Variants in PLCL2 observed in about 807,000 individuals in gnomAD.
The protein encoded by PLCL2 is inactive phospholipase C-like protein 2.
In PLCL2, 4 loss-of-function variants were observed where a neutral mutation model predicts 79.6. The observed-to-expected ratio is 0.05, with a 90% confidence interval of 0.02 to 0.11. The LOEUF (loss-of-function observed/expected upper bound fraction) is 0.11. PLCL2 is among the 10% of genes least tolerant of loss of function. The probability of loss-of-function intolerance (pLI) is 1.00; values close to 1 mark genes in which losing one functional copy is unlikely to be tolerated. For synonymous variants in PLCL2, 484 were observed against 457.7 expected, an observed-to-expected ratio of 1.06 and a Z score of -0.73; for missense variants, 895 against 1,291.0, an observed-to-expected ratio of 0.69 and a Z score of 4.70.
intron 1 of PLCL2, among the ~76,000 whole-genome samples, chr3:16,924,966 C>G (rs1697211485): frequency 2.6e-5 from 4 of 151,912 alleles, no homozygotes; most frequent in Admixed American, 2.6e-4. Flanking sequence ...CTCTGTCACC[C>G]AGGCTGGAGT....
chr3:17,020,296 TGTTAATTTTGCTGCAGTTTTTC>T (rs2124898824), intron 3 of PLCL2, among the ~76,000 whole-genome samples: 1 of 152,334 alleles, frequency 6.6e-6, no homozygotes, highest in South Asian at 2.1e-4. Context: ...TAAAGTTTTT[TGTTAATTTTGCTGCAGTTTTTC>T]TGTCATGGAC....
chr3:17,015,575 A>G, intron 3 of PLCL2, among the ~76,000 whole-genome samples: 1 of 152,198 alleles, frequency 6.6e-6, no homozygotes, highest in African/African-American at 2.4e-5. Context: ...TTTCAAGTGT[A>G]TGATGTAGTT....
In PLCL2 at chr3:16,886,306, T is replaced by C. The variant is rs754953169; in HGVS notation, c.327+940T>C. ...GTTTGGAGCAAATGAAAACATTGCT[T>C]TCTGAAAATCAAGGAGTTATCAGGA... is the stretch of plus-strand genomic sequence containing the variant. On this transcript the variant is annotated intron_variant, in intron 1 of 5. Coordinates refer to ENST00000615277, the MANE Select transcript of PLCL2 (RefSeq NM_001144382.2). This position sits in a 1 kb window ranked among gnomAD's most constrained non-coding sequence, Gnocchi z 4.2. Among the ~76,000 whole-genome samples, 10 of 152,330 alleles carry C rather than the reference T, an allele frequency of 6.6e-5. No homozygotes were observed. The highest frequency in any genetic ancestry group is 1.3e-4 in the Non-Finnish European group (9 of 68,024).
At chr3:17,015,001 T>C (rs1299178439) in intron 3 of PLCL2, 90 bp downstream of exon 3, 2 of 986,256 alleles carry the variant, frequency 2.0e-6, no homozygotes, top group East Asian at 4.8e-5. Flanking sequence ...TTTGCTGAAG[T>C]GCACTTTCCT....
chr3:16,936,766 C>T (rs1454095441), intron 1 of PLCL2, among the ~76,000 whole-genome samples: 7 of 151,356 alleles, frequency 4.6e-5, no homozygotes, highest in East Asian at 1.9e-4. Context: ...TTCAAAAAAA[C>T]GAGGCTGGAA....
chr3:16,955,438 G>A (rs2063695756), intron 1 of PLCL2, among the ~76,000 whole-genome samples: 1 of 152,150 alleles, frequency 6.6e-6, no homozygotes, highest in African/African-American at 2.4e-5. Context: ...TAGCCTTATA[G>A]TATAGTTTGA....
chr3:16,916,652 A>C (rs1697002431), intron 1 of PLCL2, among the ~76,000 whole-genome samples: 1 of 152,220 alleles, frequency 6.6e-6, no homozygotes. Flanking sequence ...TGTGCTTCAT[A>C]TAATGCTATG....
chr3:16,891,518 GTTTTGGTGTC>G (rs144722233), intron 1 of PLCL2, among the ~76,000 whole-genome samples: 2,464 of 152,258 alleles, frequency 0.016, 77 homozygotes, highest in African/African-American at 0.056. Flanking sequence ...TTCAATAATT[GTTTTGGTGTC>G]TTTCTAAATC....
At chr3:16,894,104 G>A (rs1165962305) in intron 1 of PLCL2, among the ~76,000 whole-genome samples, 1 of 151,910 alleles carries the variant, frequency 6.6e-6, no homozygotes, top group Non-Finnish European at 1.5e-5. Flanking sequence ...CTCTCCATAT[G>A]GTTTCCTGCT....
At chr3:17,053,986 T>C (rs1358486156) in intron 4 of PLCL2, among the ~76,000 whole-genome samples, 3 of 152,210 alleles carry the variant, frequency 2.0e-5, no homozygotes, top group Non-Finnish European at 4.4e-5. Flanking sequence ...GCTTTTCTTT[T>C]CTACCACATG....
rs114628559 is a variant in PLCL2 at position 17,064,024 on chromosome 3, G to A, written c.3095-3932G>A. Among the ~76,000 whole-genome samples, 645 of 152,336 alleles carry A rather than the reference G, an allele frequency of 4.2e-3. 2 individuals carry two copies. Among genetic ancestry groups the A allele is most frequent in the African/African-American group, 0.015 (620 of 41,584 alleles). ...TAGTATGACTTACAGAAGGAGAAGA[G>A]ATGCTACTCTTCAGCTTTTTAGTAA... On this transcript the variant is annotated intron_variant, in intron 4 of 5. Coordinates refer to ENST00000615277, the MANE Select transcript of PLCL2 (RefSeq NM_001144382.2).
intron 1 of PLCL2, among the ~76,000 whole-genome samples, chr3:16,978,401 C>T (rs2063947898): frequency 6.6e-6 from 1 of 152,226 alleles, no homozygotes; most frequent in Non-Finnish European, 1.5e-5. Context: ...CTGGTAACAG[C>T]AATCCAAAAC....
In PLCL2 at chr3:16,885,043, G is replaced by A. The variant is rs2124910920; in HGVS notation, c.4G>A (p.Ala2Thr). The A allele has an allele frequency of 2.8e-6, 1 of 352,764 alleles. No individual in the cohort carries two copies. The highest frequency in any genetic ancestry group is 2.1e-5 in the African/African-American group (1 of 46,598). 21.9% of individuals were successfully genotyped at this position (352,764 alleles called of 1,614,324 possible). The change falls in exon 1 of 6, where the codon GCG becomes ACG. Residue 2 changes from alanine (A) to threonine (T), a missense_variant. This residue lies in a region of PLCL2 where 110 missense variants were observed against 42.9 expected (regional missense o/e 2.56). Coordinates refer to ENST00000615277, the MANE Select transcript of PLCL2 (RefSeq NM_001144382.2). M[A>T]ECGRGGAAGG... ...GCAGGCGGGTCGCGGGGCGCCCATG[G>A]CGGAGTGCGGCCGGGGGGGCGCCGC...
At chr3:16,941,756 T>A (rs2063549991) in intron 1 of PLCL2, among the ~76,000 whole-genome samples, 1 of 150,072 alleles carries the variant, frequency 6.7e-6, no homozygotes, top group South Asian at 2.1e-4. Context: ...TGTGACCCAT[T>A]TTTTTTAAGT....
intron 3 of PLCL2, among the ~76,000 whole-genome samples, chr3:17,021,682 TG>T (rs2064456686): frequency 1.3e-5 from 2 of 151,850 alleles, no homozygotes; most frequent in African/African-American, 4.8e-5. Flanking sequence ...CTTTAGGGGA[TG>T]GCAGTCTGCT....
At chr3:16,933,423 A>T (rs976353263) in intron 1 of PLCL2, 1 of 153,918 alleles carries the variant, frequency 6.5e-6, no homozygotes, top group South Asian at 2.0e-4. Flanking sequence ...TATCATTGAA[A>T]TATGAAATAT....
At chr3:17,061,743 A>G (rs1268682035) in intron 4 of PLCL2, among the ~76,000 whole-genome samples, 3 of 152,162 alleles carry the variant, frequency 2.0e-5, no homozygotes, top group African/African-American at 7.2e-5. Context: ...GGCCATACCA[A>G]TTTTTAAAAT....
chr3:17,052,253 A>AAG (rs60162732), intron 4 of PLCL2, among the ~76,000 whole-genome samples: 2 of 100,002 alleles, frequency 2.0e-5, no homozygotes, highest in Non-Finnish European at 4.7e-5. Flanking sequence ...AAAAAAAAAA[A>AAG]TTGGGGGGGG....
intron 1 of PLCL2, among the ~76,000 whole-genome samples, chr3:16,958,881 G>T (rs1001576493): frequency 2.0e-5 from 3 of 152,222 alleles, no homozygotes; most frequent in African/African-American, 7.2e-5. Context: ...CCTCCATGGG[G>T]CTGGATCCTA....
Sources: allele counts gnomAD v4.1 joint callset (sites outside exome capture counted in the v4.1 genomes callset), GRCh38; gene constraint gnomAD v4.1.1; regional missense constraint gnomAD v4.1.1; non-coding constraint Gnocchi (gnomAD v3.1); transcripts MANE v1.5; gene names NCBI Gene and HGNC (gene_info 2026-07-23, HGNC 2026-07-21).